ASB14: variants seen among roughly 807,000 people sequenced by gnomAD.
The protein encoded by ASB14 is ankyrin repeat and SOCS box protein 14.
ASB14 carries 63 observed loss-of-function variants against 55.6 expected under a neutral mutation model. That is an observed-to-expected ratio of 1.13 (90% CI 0.92 to 1.40). ASB14 has a LOEUF of 1.40. ASB14 is among the 40% of genes most tolerant of loss of function. The pLI is 0.00. For missense variants in ASB14, 724 were observed against 710.4 expected (o/e 1.02, Z -0.22); for synonymous variants, 256 against 259.9 (o/e 0.98, Z 0.15).
chr3:57,269,435 C>T lies in ASB14; in HGVS notation c.*206G>A. Reference sequence around the variant, plus strand: ...TATCAAGTTGTCAGAAGTATGCATACATATTTATGACAGAAGAAGTGGCTC... The same window carrying T: ...TATCAAGTTGTCAGAAGTATGCATATATATTTATGACAGAAGAAGTGGCTC... On this transcript the variant is annotated 3_prime_UTR_variant, in exon 11 of 11. Transcript: ENST00000487349. 8.7e-7 allele frequency: 1 copy of T among 1,146,510 alleles called. No individual in the cohort carries two copies. Among genetic ancestry groups the T allele is most frequent in the African/African-American group, 1.8e-5 (1 of 55,050 alleles). The allele number at this position is 1,146,510 out of a possible 1,614,324, so 71.0% of individuals were successfully genotyped here.
Position 57,287,540 on chromosome 3 carries a change from A to G in ASB14, c.469+361T>C, listed in dbSNP as rs146462503. Among the ~76,000 whole-genome samples the G allele has an allele frequency of 1.6e-3, 246 of 152,310 alleles. 2 individuals carry two copies. Among genetic ancestry groups the G allele is most frequent in the African/African-American group, 5.6e-3 (234 of 41,568 alleles). ...ATTCTGCTGGGGTTGGGCAGGAATGATCTAGAGATCTGACTATCTGCTTCT... is the reference window on the plus strand; with the variant it reads ...ATTCTGCTGGGGTTGGGCAGGAATGGTCTAGAGATCTGACTATCTGCTTCT... On this transcript the variant is annotated intron_variant, in intron 5 of 10. Transcript: ENST00000487349.
rs1474368863 is a variant in ASB14, at chr3:57,268,690, A to G, written c.*951T>C. Reference sequence around the variant, plus strand: ...TACATTATAGTTACGTTGACATGTAATATGACTGTTTCAAAAATATACCAG... The same window carrying G: ...TACATTATAGTTACGTTGACATGTAGTATGACTGTTTCAAAAATATACCAG... On this transcript the variant is annotated 3_prime_UTR_variant, in exon 11 of 11. Coordinates refer to ENST00000487349, the MANE Select transcript of ASB14 (RefSeq NM_001142733.3). The G allele has an allele frequency of 5.2e-6, 2 of 382,338 alleles. No individual in the cohort carries two copies. The highest frequency in any genetic ancestry group is 8.7e-6 in the Non-Finnish European group (2 of 229,786). The allele number at this position is 382,338 out of a possible 1,614,324, so 23.7% of individuals were successfully genotyped here.
At chr3:57,287,143 CAGAT>C (rs1229049936) in intron 5 of ASB14, among the ~76,000 whole-genome samples, 1 of 152,212 alleles carries the variant, frequency 6.6e-6, no homozygotes, top group Admixed American at 6.5e-5. Flanking sequence ...AGATTTTCCT[CAGAT>C]AGCCTTTGGC....
At position 57,288,000 on chromosome 3, in the gene ASB14, C is replaced by T; in HGVS notation, c.370G>A (p.Ala124Thr). The stretch of plus-strand genomic sequence containing the variant: ...TTTTCTAAGAGGCAACTGCTGACAG[C>T]CAAAAAAAGTGGCGTTTCACCATTG... ...THNGETPLFLAVSSCLLENAT... is the reference protein window; with the variant it reads ...THNGETPLFLTVSSCLLENAT... The change falls in exon 5 of 11, where the codon GCT (alanine) becomes ACT (threonine). Residue 124 changes from alanine to threonine, a missense_variant. Ala to Thr is a moderately conservative substitution (Grantham distance 58, BLOSUM62 0). Coordinates refer to ENST00000487349, the MANE Select transcript of ASB14 (RefSeq NM_001142733.3). The T allele has an allele frequency of 2.0e-6, 3 of 1,537,202 alleles. No homozygotes were observed. Among genetic ancestry groups the T allele is most frequent in the Non-Finnish European group, 2.6e-6 (3 of 1,146,902 alleles).
intron 10 of ASB14, chr3:57,273,547 G>A (rs1462885411): frequency 1.3e-5 from 2 of 152,130 alleles, no homozygotes; most frequent in African/African-American, 4.8e-5. Flanking sequence ...AAGCTGTTAT[G>A]ACATTATAAA....
intron 5 of ASB14, among the ~76,000 whole-genome samples, chr3:57,287,040 T>C (rs1435790294): frequency 6.6e-6 from 1 of 152,260 alleles, no homozygotes; most frequent in African/African-American, 2.4e-5. Context: ...CTTGTTCTTA[T>C]TAAAATGGTT....
At chr3:57,281,590 C>T (rs2061041050) in intron 6 of ASB14, among the ~76,000 whole-genome samples, 1 of 152,122 alleles carries the variant, frequency 6.6e-6, no homozygotes, top group African/African-American at 2.4e-5. Flanking sequence ...CCTTAGAAGT[C>T]CAATAAGCCT....
At position 57,287,926 on chromosome 3, in the gene ASB14, G is replaced by A. The variant is rs1017297738; in HGVS notation, c.444C>T (p.Phe148=). 2.7e-5 allele frequency: 41 copies of A among 1,537,090 alleles called. No homozygotes were observed. The highest frequency in any genetic ancestry group is 6.8e-5 in the African/African-American group (5 of 73,048). Residue 148 remains phenylalanine, a synonymous_variant, in exon 5 of 11, where the codon TTC becomes TTT. Transcript: ENST00000487349. The part of the protein sequence containing the change: ...LNGCNPNAKN[F]EGNSPLLAAV... ...CTGCAAGAAGAGGAGAATTGCCTTC[G>A]AAATTCTTAGCATTTGGATTGCAGC...
At chr3:57,277,668 C>G in intron 9 of ASB14, 99 bp downstream of exon 9, 1 of 1,105,246 alleles carries the variant, frequency 9.0e-7, no homozygotes, top group Non-Finnish European at 1.3e-6. Context: ...TTAAGTCAAG[C>G]TTTTAACCAG....
In ASB14 at chr3:57,276,567, A is replaced by G. The variant is rs2060988525; in HGVS notation, c.1747T>C (p.Phe583Leu). The G allele has an allele frequency of 6.2e-7, 1 of 1,609,212 alleles. No homozygotes were observed. Among genetic ancestry groups the G allele is most frequent in the Non-Finnish European group, 8.5e-7 (1 of 1,177,978 alleles). ...KEYDLYGQGI[F>L]TGTW ...TGGTTTGATTACCAGGTTCCTGTAA[A>G]AATTCCTTGTCCATAAAGGTCGTAT... The change falls in exon 10 of 11, where the codon TTT (phenylalanine) becomes CTT (leucine). Residue 583 changes from phenylalanine (F) to leucine (L), a missense_variant. By Grantham distance (22) the Phe-to-Leu change is conservative. Coordinates refer to ENST00000487349, the MANE Select transcript of ASB14 (RefSeq NM_001142733.3).
chr3:57,282,380 GCT>G (rs2061047080), intron 6 of ASB14, among the ~76,000 whole-genome samples: 1 of 151,962 alleles, frequency 6.6e-6, no homozygotes, highest in Non-Finnish European at 1.5e-5. Context: ...GTAAAAATTT[GCT>G]TTTTTGAAAA....
In ASB14 at chr3:57,277,805, T is replaced by G; in HGVS notation, c.1547A>C (p.Gln516Pro). The G allele has an allele frequency of 2.5e-6, 4 of 1,613,172 alleles. No individual in the cohort carries two copies. The highest frequency in any genetic ancestry group is 3.4e-6 in the Non-Finnish European group (4 of 1,179,772). ...RICSKLKAVL[Q>P]KQGIWSEIHF... is the part of the protein sequence containing the mutation. ...TATTTCTGACCAGATCCCCTGTTTT[T>G]GGAGCACAGCTTTCAACTTTGAACA... The change falls in exon 9 of 11, where the codon CAA becomes CCA. Residue 516 changes from glutamine to proline, a missense_variant. By Grantham distance (76) the Gln-to-Pro change is moderately conservative. Coordinates refer to ENST00000487349, the MANE Select transcript of ASB14 (RefSeq NM_001142733.3).
In ASB14 at chr3:57,287,889, G is replaced by A. The variant is rs1481998481; in HGVS notation, c.469+12C>T. The A allele has an allele frequency of 2.0e-6, 3 of 1,536,530 alleles. No homozygotes were observed. The highest frequency in any genetic ancestry group is 3.9e-5 in the Admixed American group (2 of 50,926). ...TGCCACAGACTCTTTCAGAAACAAT[G>A]TATTCATTTACCTGCAAGAAGAGGA... On this transcript the variant is annotated intron_variant, in intron 5 of 10. Coordinates refer to ENST00000487349, the MANE Select transcript of ASB14 (RefSeq NM_001142733.3).
intron 10 of ASB14, chr3:57,270,717 C>G (rs2060931713): frequency 6.6e-6 from 1 of 152,522 alleles, no homozygotes; most frequent in African/African-American, 2.4e-5. Context: ...AGTACTGAAT[C>G]ACCACTTTAT....
intron 6 of ASB14, among the ~76,000 whole-genome samples, chr3:57,282,104 G>T (rs2061045147): frequency 6.6e-6 from 1 of 152,070 alleles, no homozygotes; most frequent in South Asian, 2.1e-4. Flanking sequence ...TGTTATTCCA[G>T]CTAATGACTT....
intron 9 of ASB14, among the ~76,000 whole-genome samples, chr3:57,277,357 T>C (rs1237195116): frequency 2.0e-5 from 3 of 152,064 alleles, no homozygotes; most frequent in African/African-American, 7.2e-5. Context: ...ATGAAATAAA[T>C]TATTAATTTG....
chr3:57,287,881 G>A lies in ASB14; in HGVS notation c.469+20C>T, dbSNP rs2061092310. The A allele has an allele frequency of 1.3e-6, 2 of 1,535,794 alleles. No individual in the cohort carries two copies. The highest frequency in any genetic ancestry group is 1.4e-5 in the African/African-American group (1 of 72,958). The stretch of plus-strand genomic sequence containing the variant: ...AGACTCAGTGCCACAGACTCTTTCA[G>A]AAACAATGTATTCATTTACCTGCAA... On this transcript the variant is annotated intron_variant, in intron 5 of 10. Coordinates refer to ENST00000487349, the MANE Select transcript of ASB14 (RefSeq NM_001142733.3).
chr3:57,280,398 G>C lies in ASB14; in HGVS notation c.791C>G (p.Ala264Gly). ...TCCATACTCCAGCAAGAGAGCCACA[G>C]CATCTGGATTTCCTCCACTTGCGGC... is the stretch of plus-strand genomic sequence containing the variant. ...LEAASGGNPD[A>G]VALLLEYGAD... Residue 264 changes from alanine (A) to glycine (G), a missense_variant, in exon 7 of 11, where the codon GCT becomes GGT. Ala to Gly is a moderately conservative substitution (Grantham distance 60). Transcript: ENST00000487349. The C allele has an allele frequency of 1.3e-6, 2 of 1,551,540 alleles. No homozygotes were observed. Among genetic ancestry groups the C allele is most frequent in the Non-Finnish European group, 1.7e-6 (2 of 1,146,846 alleles).
chr3:57,269,456 G>A lies in ASB14; in HGVS notation c.*185C>T, dbSNP rs1324845587. 3.5e-6 allele frequency: 5 copies of A among 1,412,840 alleles called. No homozygotes were observed. In the East Asian group the frequency reaches 9.3e-5, roughly 26 times the overall value. 87.5% of individuals were successfully genotyped at this position (1,412,840 alleles called of 1,614,324 possible). ...CATACATATTTATGACAGAAGAAGT[G>A]GCTCTCAAGAATGTATCTTAACTGC... On this transcript the variant is annotated 3_prime_UTR_variant, in exon 11 of 11. Transcript: ENST00000487349.
Sources: gnomAD v4.1 joint callset for allele counts (sites outside exome capture counted in the v4.1 genomes callset) on GRCh38, gnomAD v4.1.1 for gene constraint, MANE v1.5 for transcripts, NCBI Gene and HGNC (gene_info 2026-07-23, HGNC 2026-07-21) for gene names.